Variants in LRP1B observed in about 807,000 individuals in gnomAD.
The protein encoded by LRP1B is LDL receptor related protein 1B.
Under a neutral mutation model 556.6 loss-of-function variants are expected in LRP1B, and 217 were observed. The observed-to-expected ratio is 0.39, with a 90% CI of 0.35 to 0.44. LRP1B has a LOEUF of 0.44. LRP1B is among the 20% of genes least tolerant of loss of function. The pLI, the probability that LRP1B is intolerant of heterozygous loss-of-function variation, is 1.00. For missense variants in LRP1B, 5,053 were observed against 5,620.8 expected (o/e 0.90, Z 3.23); for synonymous variants, 2,047 against 1,865.8 (o/e 1.10, Z -2.50).
chr2:141,917,354 T>C (rs1465362520), intron 1 of LRP1B, among the ~76,000 whole-genome samples: 2 of 152,178 alleles, frequency 1.3e-5, no homozygotes, highest in Non-Finnish European at 2.9e-5. Flanking sequence ...GTGTATGGTG[T>C]GTGGTGTGTA....
intron 3 of LRP1B, among the ~76,000 whole-genome samples, chr2:141,410,630 T>C (rs546273941): frequency 2.8e-4 from 42 of 152,182 alleles, no homozygotes; most frequent in African/African-American, 9.1e-4. Flanking sequence ...ACATAATCAT[T>C]ATATGTATCT....
At chr2:141,796,836 G>C (rs1695829236) in intron 2 of LRP1B, among the ~76,000 whole-genome samples, 1 of 151,364 alleles carries the variant, frequency 6.6e-6, no homozygotes, top group African/African-American at 2.4e-5. Flanking sequence ...TTTTGTGTGT[G>C]AAATGAAACC....
intron 27 of LRP1B, among the ~76,000 whole-genome samples, chr2:140,867,291 C>T (rs1692979947): frequency 6.6e-6 from 1 of 152,014 alleles, no homozygotes. Context: ...CACCCCCTCT[C>T]TTCCCAATAT....
At chr2:141,014,099 C>T (rs1283668493) in intron 13 of LRP1B, among the ~76,000 whole-genome samples, 1 of 152,012 alleles carries the variant, frequency 6.6e-6, no homozygotes, top group African/African-American at 2.4e-5. Context: ...TATGATATTT[C>T]AGTATCATAT....
intron 3 of LRP1B, among the ~76,000 whole-genome samples, chr2:141,417,941 C>A (rs951726477): frequency 1.3e-5 from 2 of 151,986 alleles, no homozygotes; most frequent in Non-Finnish European, 2.9e-5. Context: ...TGAGGTAATA[C>A]ATCATTGTGG....
intron 11 of LRP1B, among the ~76,000 whole-genome samples, chr2:141,045,802 T>A (rs973079863): frequency 1.4e-4 from 22 of 152,112 alleles, no homozygotes; most frequent in Admixed American, 1.4e-3. Flanking sequence ...AATTAATTTT[T>A]AAAAAAGGAA....
intron 2 of LRP1B, among the ~76,000 whole-genome samples, chr2:141,526,506 T>C (rs145977018): frequency 0.011 from 1,647 of 152,200 alleles, 14 homozygotes; most frequent in Middle Eastern, 0.017. Context: ...AATTACACTA[T>C]TCTCCTATAT....
chr2:141,751,969 C>T (rs1300661722), intron 2 of LRP1B, among the ~76,000 whole-genome samples: 1 of 150,754 alleles, frequency 6.6e-6, no homozygotes, highest in Non-Finnish European at 1.5e-5. Flanking sequence ...TCAAACACCA[C>T]AATAAACAGC....
intron 3 of LRP1B, among the ~76,000 whole-genome samples, chr2:141,449,571 C>A (rs1424141796): frequency 6.6e-6 from 1 of 151,872 alleles, no homozygotes; most frequent in Admixed American, 6.6e-5. Context: ...ATTGTGTTGA[C>A]TACAAGGGTC....
At chr2:140,483,183 T>C (rs1688311537) in intron 59 of LRP1B, among the ~76,000 whole-genome samples, 1 of 152,134 alleles carries the variant, frequency 6.6e-6, no homozygotes, top group African/African-American at 2.4e-5. Flanking sequence ...ATATGACATA[T>C]CTATATCATA....
At chr2:140,784,376 CCACACACACACACACACACACACA>C (rs143661527) in intron 32 of LRP1B, among the ~76,000 whole-genome samples, 3 of 126,574 alleles carry the variant, frequency 2.4e-5, no homozygotes, top group African/African-American at 8.8e-5. Context: ...GATTCTGCCT[CCACACACACACACACACACACACA>C]CACACACACA....
intron 2 of LRP1B, among the ~76,000 whole-genome samples, chr2:141,576,053 G>A (rs1415208278): frequency 6.6e-6 from 1 of 152,184 alleles, no homozygotes; most frequent in African/African-American, 2.4e-5. Flanking sequence ...CAAGGATCCA[G>A]AACCAGAATT....
rs532596165 is a variant in LRP1B, at chr2:140,929,433, T to A, written c.3137-6286A>T. ...AAGATTTTCTGCACAAAGCCAGCAG[T>A]ATTAATAAAATTTTGTGTAATGTGT... On this transcript the variant is annotated intron_variant, in intron 20 of 90. Transcript: ENST00000389484. Among the ~76,000 whole-genome samples, 10 of 152,164 alleles carry A rather than the reference T, an allele frequency of 6.6e-5. 1 individual carries two copies. In the East Asian group the frequency reaches 1.9e-3, roughly 30 times the overall value.
intron 2 of LRP1B, among the ~76,000 whole-genome samples, chr2:141,610,323 A>ATTATTATTATACTTTAAAACTTCAAGT (rs143503631): frequency 8.1e-6 from 1 of 122,708 alleles, no homozygotes; most frequent in African/African-American, 3.6e-5. Flanking sequence ...CTTAAAGTAT[A>ATTATTATTATACTTTAAAACTTCAAGT]ATAATAATAA....
intron 3 of LRP1B, among the ~76,000 whole-genome samples, chr2:141,315,827 A>T (rs1687008657): frequency 6.8e-6 from 1 of 148,008 alleles, no homozygotes; most frequent in Non-Finnish European, 1.5e-5. Context: ...CTGATACTGC[A>T]AAACTCAGAA....
At chr2:140,546,234 G>A (rs979029710) in intron 43 of LRP1B, among the ~76,000 whole-genome samples, 7 of 152,026 alleles carry the variant, frequency 4.6e-5, no homozygotes, top group Non-Finnish European at 7.4e-5. Flanking sequence ...TGCAAACAAG[G>A]ATATTTTGAT....
intron 11 of LRP1B, among the ~76,000 whole-genome samples, chr2:141,030,211 G>A (rs1316734469): frequency 6.6e-6 from 1 of 152,064 alleles, no homozygotes; most frequent in Non-Finnish European, 1.5e-5. Flanking sequence ...CAAATATGCA[G>A]TCTCAGAATG....
At chr2:141,758,658 C>T (rs1439516079) in intron 2 of LRP1B, among the ~76,000 whole-genome samples, 1 of 151,930 alleles carries the variant, frequency 6.6e-6, no homozygotes, top group Admixed American at 6.6e-5. Context: ...CTACTAGGCA[C>T]AGGATATATA....
At chr2:140,624,555 C>T (rs568634220) in intron 41 of LRP1B, among the ~76,000 whole-genome samples, 1 of 152,268 alleles carries the variant, frequency 6.6e-6, no homozygotes, top group East Asian at 1.9e-4. Flanking sequence ...GGAGTGTCCA[C>T]ACCTGCTAGA....
Sources: allele counts gnomAD v4.1 joint callset (sites outside exome capture counted in the v4.1 genomes callset), GRCh38; gene constraint gnomAD v4.1.1; transcripts MANE v1.5; gene names NCBI Gene and HGNC (gene_info 2026-07-23, HGNC 2026-07-21).